KIAA1549: variants seen among roughly 807,000 people sequenced by gnomAD.
KIAA1549 encodes the protein KIAA1549.
In KIAA1549, 70 loss-of-function variants were observed where a neutral mutation model predicts 156.4. The ratio of observed to expected loss-of-function variants is 0.45; its 90% CI spans 0.37 to 0.55. The LOEUF (loss-of-function observed/expected upper bound fraction) is 0.55. KIAA1549 is among the 20% of genes least tolerant of loss of function. KIAA1549 has a pLI of 0.00. For missense variants in KIAA1549, 2,428 were observed against 2,540.9 expected, an observed-to-expected ratio of 0.96 and a Z score of 0.96; for synonymous variants, 1,103 against 1,066.4, an observed-to-expected ratio of 1.03 and a Z score of -0.67.
chr7:138,945,672 C>G (rs1047418448), intron 1 of KIAA1549, among the ~76,000 whole-genome samples: 1 of 152,256 alleles, frequency 6.6e-6, no homozygotes, highest in Admixed American at 6.5e-5. Context: ...TTCTGACCAC[C>G]TGTACTTTAA....
Position 138,912,523 on chromosome 7 carries a change from A to G in KIAA1549, c.2879-63T>C, listed in dbSNP as rs984740536. ...TCATTATGAATAACAAACACACCAG[A>G]CTTCTGGACCCCAGCACTGTGCCAA... is the stretch of plus-strand genomic sequence containing the variant. On this transcript the variant is annotated intron_variant, in intron 2 of 19. Transcript: ENST00000422774. 1.7e-5 allele frequency: 23 copies of G among 1,357,552 alleles called. No homozygotes were observed. In the East Asian group the frequency reaches 4.6e-4, roughly 27 times the overall value. 84.1% of individuals were successfully genotyped at this position (1,357,552 alleles called of 1,614,324 possible). A position where few individuals can be genotyped will look rare whatever the true frequency, so the allele number is the denominator to read the frequency against.
At chr7:138,840,299 T>A (rs1207861056) in intron 18 of KIAA1549, 21 bp from the exon 19 acceptor site, 2 of 1,595,590 alleles carry the variant, frequency 1.3e-6, no homozygotes, top group Non-Finnish European at 1.7e-6. Context: ...CATGGTGGAG[T>A]GGCCTGGTCA....
chr7:138,923,349 C>T (rs550264748), intron 1 of KIAA1549, among the ~76,000 whole-genome samples: 1 of 152,270 alleles, frequency 6.6e-6, no homozygotes, highest in South Asian at 2.1e-4. Context: ...GCCTGTAATC[C>T]CAGCACTTTG....
intron 1 of KIAA1549, among the ~76,000 whole-genome samples, chr7:138,941,737 C>A (rs2130524051): frequency 6.6e-6 from 1 of 152,314 alleles, no homozygotes; most frequent in Middle Eastern, 3.4e-3. Flanking sequence ...TGGGTTAGAG[C>A]ACTTCCACTC....
intron 1 of KIAA1549, among the ~76,000 whole-genome samples, chr7:138,947,425 G>A (rs528212851): frequency 6.6e-6 from 1 of 152,182 alleles, no homozygotes; most frequent in South Asian, 2.1e-4. Context: ...GGGTTTGTAT[G>A]CACCTGACCT....
intron 9 of KIAA1549, 61 bp from the exon 10 acceptor site, chr7:138,894,587 C>G: frequency 6.5e-7 from 1 of 1,528,638 alleles, no homozygotes; most frequent in Admixed American, 1.8e-5. Flanking sequence ...CTAGATTGCA[C>G]GTGTCTTCTA....
At chr7:138,887,805 G>A (rs1811440295) in intron 10 of KIAA1549, among the ~76,000 whole-genome samples, 1 of 152,174 alleles carries the variant, frequency 6.6e-6, no homozygotes, top group Non-Finnish European at 1.5e-5. Context: ...CATGAAATAG[G>A]ACAATTCGTT....
chr7:138,911,475 T>C (rs1280007245), intron 3 of KIAA1549, among the ~76,000 whole-genome samples, 152 bp from the exon 4 acceptor site: 1 of 152,234 alleles, frequency 6.6e-6, no homozygotes, highest in Non-Finnish European at 1.5e-5. Context: ...TTACTGCTTT[T>C]ACTCTCTGCC....
intron 17 of KIAA1549, among the ~76,000 whole-genome samples, chr7:138,847,637 C>A (rs2130341525): frequency 6.6e-6 from 1 of 152,346 alleles, no homozygotes; most frequent in East Asian, 1.9e-4. Context: ...GCTGTACCAT[C>A]TTAATCACTT....
At chr7:138,927,111 T>C (rs908096150) in intron 1 of KIAA1549, among the ~76,000 whole-genome samples, 4 of 152,236 alleles carry the variant, frequency 2.6e-5, no homozygotes, top group African/African-American at 9.6e-5. Context: ...TCTCTCCGTA[T>C]TGGTTTTCTA....
At chr7:138,977,102 A>G (rs1814402285) in intron 1 of KIAA1549, among the ~76,000 whole-genome samples, 1 of 152,248 alleles carries the variant, frequency 6.6e-6, no homozygotes, top group Non-Finnish European at 1.5e-5. Flanking sequence ...GCAATAAAAA[A>G]ATTATTAAAA....
At chr7:138,936,890 C>T (rs1813029092) in intron 1 of KIAA1549, among the ~76,000 whole-genome samples, 1 of 152,124 alleles carries the variant, frequency 6.6e-6, no homozygotes, top group Admixed American at 6.5e-5. Flanking sequence ...CCATAACCCA[C>T]CCTAAGCTCT....
rs374513712 is a variant in KIAA1549 at position 138,879,617 on chromosome 7, T to C, written c.4266A>G (p.Glu1422=). The C allele has an allele frequency of 1.5e-4, 234 of 1,561,046 alleles. No individual in the cohort carries two copies. The highest frequency in any genetic ancestry group is 1.9e-4 in the Non-Finnish European group (220 of 1,152,720). The change falls in exon 12 of 20, where the codon GAA becomes GAG. Residue 1422 remains glutamate (E), a synonymous_variant. Coordinates refer to ENST00000422774, the MANE Select transcript of KIAA1549 (RefSeq NM_001164665.2). ...CTCCTGCGTCCCTCTCGCTGGACTC[T>C]TCACTGACCGTAGAGTCAGCATCTG... is the stretch of plus-strand genomic sequence containing the variant. The part of the protein sequence containing the change: ...SPSDADSTVS[E]ESSERDAGDK...
intron 1 of KIAA1549, among the ~76,000 whole-genome samples, chr7:138,946,781 A>G (rs1323869010): frequency 6.6e-6 from 1 of 152,090 alleles, no homozygotes; most frequent in Non-Finnish European, 1.5e-5. Flanking sequence ...AGAGACCCCC[A>G]GTTTTTTGGA....
At chr7:138,979,148 C>A (rs975251808) in intron 1 of KIAA1549, among the ~76,000 whole-genome samples, 3 of 152,192 alleles carry the variant, frequency 2.0e-5, no homozygotes, top group Non-Finnish European at 4.4e-5. Flanking sequence ...ATATACAAAC[C>A]AGTGAAAGGA....
intron 10 of KIAA1549, among the ~76,000 whole-genome samples, chr7:138,886,034 G>C (rs76660450): frequency 0.025 from 3,804 of 152,142 alleles, 75 homozygotes; most frequent in Non-Finnish European, 0.037. Flanking sequence ...CCCAAATTCG[G>C]TCACAGAAGT....
Position 138,918,482 on chromosome 7 carries a change from A to C in KIAA1549, c.1144T>G (p.Phe382Val). 2.5e-6 allele frequency: 4 copies of C among 1,613,994 alleles called. No individual in the cohort carries two copies. The highest frequency in any genetic ancestry group is 3.4e-6 in the Non-Finnish European group (4 of 1,179,880). ...GTTTTGCTGGAGTCGCTAGGGAGAA[A>C]GGGGTTAGATGAAACATCAGTTGGT... ...ASPTDVSSNP[F>V]LPSDSSKTSE... Residue 382 changes from phenylalanine to valine, a missense_variant, in exon 2 of 20, where the codon TTT becomes GTT. Phe to Val is a conservative substitution (Grantham distance 50). Transcript: ENST00000422774. This position sits in a 1 kb window ranked among gnomAD's most constrained non-coding sequence, Gnocchi z 4.2.
In KIAA1549 at chr7:138,832,211, T is replaced by TTTTTTTTTTTTTTTTTTC. The variant is rs1563039507; in HGVS notation, c.*5694_*5695insGAAAAAAAAAAAAAAAAA. 1.1e-5 allele frequency: 2 copies of TTTTTTTTTTTTTTTTTTC among 182,232 alleles called. No individual in the cohort carries two copies. Among genetic ancestry groups the TTTTTTTTTTTTTTTTTTC allele is most frequent in the African/African-American group, 2.7e-5 (1 of 36,854 alleles). The allele number at this position is 182,232 out of a possible 1,614,324, so 11.3% of individuals were successfully genotyped here. A position where few individuals can be genotyped will look rare whatever the true frequency, so the allele number is the denominator to read the frequency against. On this transcript the variant is annotated 3_prime_UTR_variant, in exon 20 of 20. Transcript: ENST00000422774. ...TATTCCTTTTTTTTTTTTTTTTTTT[T>TTTTTTTTTTTTTTTTTTC]CCAGAGACAGGACCTCACCCTGCAG...
In KIAA1549 at chr7:138,881,456, G is replaced by A; in HGVS notation, c.4161C>T (p.Pro1387=). The A allele has an allele frequency of 6.2e-7, 1 of 1,614,056 alleles. No individual in the cohort carries two copies. Among genetic ancestry groups the A allele is most frequent in the Non-Finnish European group, 8.5e-7 (1 of 1,179,900 alleles). ...GGCTTGGCACGTCTCCATTTTCCGA[G>A]GGCGTGGTGTGGTCCTTCAGAGGTC... is the stretch of plus-strand genomic sequence containing the variant. ...LPGPLKDHTT[P]SENGDVPSPK... The change falls in exon 11 of 20, where the codon CCC becomes CCT. Residue 1387 remains proline (P), a synonymous_variant. Coordinates refer to ENST00000422774, the MANE Select transcript of KIAA1549 (RefSeq NM_001164665.2).
Sources: gnomAD v4.1 joint callset for allele counts (sites outside exome capture counted in the v4.1 genomes callset) on GRCh38, gnomAD v4.1.1 for gene constraint, Gnocchi (gnomAD v3.1) non-coding constraint, MANE v1.5 for transcripts, NCBI Gene and HGNC (gene_info 2026-07-23, HGNC 2026-07-21) for gene names.